CDH18: variants seen among roughly 807,000 people sequenced by gnomAD.
CDH18 encodes cadherin-18.
Under a neutral mutation model 67.9 loss-of-function variants are expected in CDH18, and 31 were observed. That is an observed-to-expected ratio of 0.46 (90% CI 0.34 to 0.62). The LOEUF (loss-of-function observed/expected upper bound fraction) is 0.62, where lower values mean the gene tolerates loss of function less well. CDH18 is among the 20% of genes least tolerant of loss of function. The probability of loss-of-function intolerance (pLI) is 0.01; values close to 1 mark genes in which losing one functional copy is unlikely to be tolerated. For missense variants in CDH18, 890 were observed against 975.5 expected (o/e 0.91, Z 1.17); for synonymous variants, 362 against 347.2 (o/e 1.04, Z -0.48).
intron 3 of CDH18, among the ~76,000 whole-genome samples, chr5:19,798,594 A>G (rs4320261): frequency 0.6 from 91,273 of 151,654 alleles, 27,937 homozygotes; most frequent in African/African-American, 0.68. Context: ...ATATCATGAA[A>G]CAAGTTTTAG....
chr5:20,312,970 C>T (rs1036327430), intron 1 of CDH18, among the ~76,000 whole-genome samples: 8 of 151,872 alleles, frequency 5.3e-5, no homozygotes, highest in Admixed American at 1.3e-4. Flanking sequence ...AGTGCTAGAA[C>T]AATATTTAAA....
intron 2 of CDH18, among the ~76,000 whole-genome samples, chr5:20,114,341 A>T (rs1407756124): frequency 6.6e-6 from 1 of 152,196 alleles, no homozygotes; most frequent in African/African-American, 2.4e-5. Context: ...CCAAAAAGTG[A>T]ACATAGACTA....
intron 2 of CDH18, among the ~76,000 whole-genome samples, chr5:20,138,614 A>G (rs1338926257): frequency 7.2e-5 from 11 of 152,186 alleles, no homozygotes. Context: ...ACTTCAGCAA[A>G]GTCTCAGGAT....
intron 2 of CDH18, among the ~76,000 whole-genome samples, chr5:20,075,903 C>T (rs891158076): frequency 2.0e-5 from 3 of 152,036 alleles, no homozygotes; most frequent in African/African-American, 2.4e-5. Context: ...TCTGAAACTT[C>T]TTTCTTCTTC....
intron 1 of CDH18, among the ~76,000 whole-genome samples, chr5:20,532,561 T>C (rs1390452187): frequency 1.3e-5 from 2 of 152,148 alleles, no homozygotes; most frequent in Non-Finnish European, 2.9e-5. Context: ...TTGAACATTA[T>C]TTCTGAAAAC....
At chr5:19,644,624 T>C (rs1754473185) in intron 5 of CDH18, among the ~76,000 whole-genome samples, 1 of 152,150 alleles carries the variant, frequency 6.6e-6, no homozygotes, top group Non-Finnish European at 1.5e-5. Flanking sequence ...AAGAAAGTTG[T>C]GACAGACTAG....
intron 9 of CDH18, among the ~76,000 whole-genome samples, chr5:19,542,837 G>T (rs1446565651): frequency 6.6e-6 from 1 of 151,954 alleles, no homozygotes; most frequent in Non-Finnish European, 1.5e-5. Flanking sequence ...ATTGGTTATG[G>T]TAATGGATGT....
intron 1 of CDH18, chr5:20,304,998 A>G: frequency 6.2e-7 from 1 of 1,613,912 alleles, no homozygotes; most frequent in East Asian, 2.2e-5. Flanking sequence ...CATTTCTGAC[A>G]CAAGCTTTAC....
intron 5 of CDH18, among the ~76,000 whole-genome samples, chr5:19,716,005 G>T (rs1765295872): frequency 1.3e-5 from 2 of 151,906 alleles, no homozygotes; most frequent in African/African-American, 4.8e-5. Context: ...TTTCAGCAGA[G>T]ACAGGATTTC....
chr5:20,195,613 G>C (rs1282233759), intron 2 of CDH18, among the ~76,000 whole-genome samples: 1 of 151,876 alleles, frequency 6.6e-6, no homozygotes, highest in Non-Finnish European at 1.5e-5. Flanking sequence ...TATTTTAGTA[G>C]GTTGTAGTCA....
chr5:19,828,892 G>T (rs1328595782), intron 3 of CDH18, among the ~76,000 whole-genome samples: 1 of 152,096 alleles, frequency 6.6e-6, no homozygotes. Context: ...ACAAAAATTA[G>T]CTGGGCGTGG....
chr5:19,571,730 T>C lies in CDH18; in HGVS notation c.1102A>G (p.Thr368Ala), dbSNP rs371020580. The C allele has an allele frequency of 1.3e-5, 21 of 1,613,856 alleles. No individual in the cohort carries two copies. Among genetic ancestry groups the C allele is most frequent in the Admixed American group, 1.7e-5 (1 of 59,994 alleles). ...FSHLGPFKDATMLKIIVGDVD... is the reference protein window; with the variant it reads ...FSHLGPFKDAAMLKIIVGDVD... ...TCCCCAACAATGATCTTCAGCATAGTAGCATCTTTAAAAGGACCCAAGTGA... is the reference window on the plus strand; with the variant it reads ...TCCCCAACAATGATCTTCAGCATAGCAGCATCTTTAAAAGGACCCAAGTGA... Residue 368 changes from threonine to alanine, a missense_variant, in exon 8 of 13, where the codon ACT (threonine) becomes GCT (alanine). This residue lies in a region of CDH18 where 656 missense variants were observed against 668.1 expected (regional missense o/e 0.98). Transcript: ENST00000382275.
At chr5:20,096,781 G>GA (rs1746027594) in intron 2 of CDH18, among the ~76,000 whole-genome samples, 2 of 151,860 alleles carry the variant, frequency 1.3e-5, no homozygotes, top group African/African-American at 2.4e-5. Context: ...ACAAATACAA[G>GA]AAAAAATGTT....
intron 1 of CDH18, among the ~76,000 whole-genome samples, chr5:20,495,785 A>T (rs1158567570): frequency 1.3e-5 from 2 of 150,912 alleles, no homozygotes; most frequent in Non-Finnish European, 3.0e-5. Flanking sequence ...AGATTTAAAT[A>T]TCGAGTTCTA....
intron 12 of CDH18, among the ~76,000 whole-genome samples, chr5:19,477,808 C>CA (rs1235744305): frequency 3.3e-5 from 5 of 150,752 alleles, no homozygotes; most frequent in African/African-American, 9.7e-5. Context: ...GGTGGTGTTA[C>CA]AAAAAAAAGA....
Position 19,612,423 on chromosome 5 carries a change from C to G in CDH18, c.811+11G>C. ...AATGATAAATTCAAATCATGGAAAA[C>G]AAATACGTACTTTGAGGAAAGCGTG... On this transcript the variant is annotated intron_variant, in intron 6 of 12. Transcript: ENST00000382275. 2 of 1,612,682 alleles carry G rather than the reference C, an allele frequency of 1.2e-6. No individual in the cohort carries two copies. Among genetic ancestry groups the G allele is most frequent in the South Asian group, 2.2e-5 (2 of 90,964 alleles).
At chr5:19,991,196 GTGATGT>G (rs1365599511), upstream of CDH18, among the ~76,000 whole-genome samples, 2 of 152,182 alleles carry the variant, frequency 1.3e-5, no homozygotes, top group African/African-American at 4.8e-5. Flanking sequence ...AGCAAGTTAT[GTGATGT>G]TTCCAAACCT....
intron 1 of CDH18, among the ~76,000 whole-genome samples, chr5:20,329,397 G>T (rs1738940592): frequency 6.6e-6 from 1 of 152,116 alleles, no homozygotes; most frequent in Admixed American, 6.5e-5. Context: ...AAAGGAACAA[G>T]TGATAATAAA....
At chr5:19,776,790 C>A (rs188208874) in intron 3 of CDH18, among the ~76,000 whole-genome samples, 71 of 152,090 alleles carry the variant, frequency 4.7e-4, no homozygotes, top group Admixed American at 1.5e-3. Flanking sequence ...TAACACTGAA[C>A]AATGTAAATG....
Sources: gnomAD v4.1 joint callset for allele counts (sites outside exome capture counted in the v4.1 genomes callset) on GRCh38, gnomAD v4.1.1 for gene constraint, gnomAD v4.1.1 regional missense constraint, MANE v1.5 for transcripts, NCBI Gene and HGNC (gene_info 2026-07-23, HGNC 2026-07-21) for gene names.